The following PCDHGA12 variants were observed in gnomAD, a reference collection of about 807,000 sequenced individuals.
PCDHGA12 encodes protocadherin gamma subfamily A, 12.
PCDHGA12 carries 43 observed loss-of-function variants against 61.1 expected under a neutral mutation model. The observed-to-expected ratio is 0.70, with a 90% CI of 0.55 to 0.91. The LOEUF (loss-of-function observed/expected upper bound fraction) is 0.91, where lower values mean the gene tolerates loss of function less well. Among genes scored for constraint, PCDHGA12 ranks in the 40% least tolerant of loss-of-function variants. The pLI is 0.00. For missense variants in PCDHGA12, 1,236 were observed against 1,227.7 expected, an observed-to-expected ratio of 1.01 and a Z score of -0.10; for synonymous variants, 520 against 542.9, an observed-to-expected ratio of 0.96 and a Z score of 0.59.
chr5:141,497,211 G>T (rs914346878), intron 2 of PCDHGA12, among the ~76,000 whole-genome samples: 12 of 28,538 alleles, frequency 4.2e-4, no homozygotes, highest in African/African-American at 1.1e-3. Context: ...GAGTGTAATG[G>T]GGGGGGGAAG....
Position 141,511,464 on chromosome 5 carries a change from C to G in PCDHGA12, c.*291C>G. 1.9e-6 allele frequency: 1 copy of G among 538,254 alleles called. No individual in the cohort carries two copies. The highest frequency in any genetic ancestry group is 2.1e-5 in the South Asian group (1 of 47,028). The allele number at this position is 538,254 out of a possible 1,614,324, so 33.3% of individuals were successfully genotyped here. On this transcript the variant is annotated 3_prime_UTR_variant, in exon 4 of 4. Transcript: ENST00000252085. ...ACACCAAGAACCATTTGCCACACCC[C>G]GTTTAGTTACAGCTGAACTCCTCCA...
At chr5:141,474,964 CATT>C (rs1489874965) in intron 1 of PCDHGA12, among the ~76,000 whole-genome samples, 1 of 152,216 alleles carries the variant, frequency 6.6e-6, no homozygotes, top group Non-Finnish European at 1.5e-5. Context: ...CTATCCTAAT[CATT>C]ATAATTTTGT....
Position 141,486,904 on chromosome 5 carries a change from C to G in PCDHGA12, c.2425-7903C>G. On this transcript the variant is annotated intron_variant, in intron 1 of 3. Transcript: ENST00000252085. This position sits in a 1 kb window ranked among gnomAD's most constrained non-coding sequence, Gnocchi z 5.0. The stretch of plus-strand genomic sequence containing the variant: ...GGGCCCGGCCTGGTTCCTTATGTCC[C>G]CAAGCACTGCCTCCATCAGTTGGTG... 6.2e-7 allele frequency: 1 copy of G among 1,614,226 alleles called. No individual in the cohort carries two copies. The highest frequency in any genetic ancestry group is 1.1e-5 in the South Asian group (1 of 91,080).
chr5:141,447,942 T>C (rs1476141059), intron 1 of PCDHGA12, among the ~76,000 whole-genome samples: 2 of 151,740 alleles, frequency 1.3e-5, no homozygotes, highest in African/African-American at 4.8e-5. Context: ...AAAAATTAGC[T>C]GGGCATGGTG....
rs530622003 is a variant in PCDHGA12, at chr5:141,437,077, T to G, written c.2424+3894T>G. ...TGATCATTATTTGGTTTGGGCCATA[T>G]AAGAATTGAAACTAACGGCTTAGCT... On this transcript the variant is annotated intron_variant, in intron 1 of 3. Transcript: ENST00000252085. Among the ~76,000 whole-genome samples, 107 of 152,372 alleles carry G rather than the reference T, an allele frequency of 7.0e-4. 1 individual carries two copies. The highest frequency in any genetic ancestry group is 6.4e-3 in the South Asian group (31 of 4,828).
At chr5:141,443,704 C>T (rs894128704) in intron 1 of PCDHGA12, among the ~76,000 whole-genome samples, 6 of 152,102 alleles carry the variant, frequency 3.9e-5, no homozygotes, top group Non-Finnish European at 7.4e-5. Flanking sequence ...TATAGAATAA[C>T]ATTTGCATAT....
At chr5:141,499,438 G>A (rs2154592492) in intron 2 of PCDHGA12, among the ~76,000 whole-genome samples, 1 of 152,158 alleles carries the variant, frequency 6.6e-6, no homozygotes, top group Admixed American at 6.5e-5. Context: ...AAAATTAAAA[G>A]GAAAACCACC....
chr5:141,497,005 A>T (rs1249733879), intron 2 of PCDHGA12, among the ~76,000 whole-genome samples: 1 of 152,134 alleles, frequency 6.6e-6, no homozygotes, highest in Non-Finnish European at 1.5e-5. Context: ...GGCAGCCAAC[A>T]TGGTGAAACC....
intron 1 of PCDHGA12, among the ~76,000 whole-genome samples, chr5:141,480,106 A>C (rs1466691134): frequency 6.6e-6 from 1 of 152,196 alleles, no homozygotes; most frequent in Non-Finnish European, 1.5e-5. Context: ...AGTGTTTAGC[A>C]TGGTGCCTGG....
chr5:141,478,271 A>G, intron 1 of PCDHGA12: 1 of 1,614,170 alleles, frequency 6.2e-7, no homozygotes, highest in Non-Finnish European at 8.5e-7. Flanking sequence ...CAAAGTTTAC[A>G]AGTGGAAGCA....
At chr5:141,459,763 G>A (rs1243169814) in intron 1 of PCDHGA12, among the ~76,000 whole-genome samples, 1 of 152,206 alleles carries the variant, frequency 6.6e-6, no homozygotes, top group South Asian at 2.1e-4. Context: ...GTGGGTGTGT[G>A]ATACTATCTC....
At chr5:141,466,058 C>T (rs970494567) in intron 1 of PCDHGA12, among the ~76,000 whole-genome samples, 2 of 152,046 alleles carry the variant, frequency 1.3e-5, no homozygotes, top group African/African-American at 4.8e-5. Flanking sequence ...GGAGACGGAG[C>T]TTGCAGTGAG....
intron 3 of PCDHGA12, among the ~76,000 whole-genome samples, chr5:141,506,598 G>A (rs1056005258): frequency 6.6e-6 from 1 of 152,130 alleles, no homozygotes; most frequent in Non-Finnish European, 1.5e-5. Context: ...CAGTATTAAC[G>A]GATCTCATTG....
At position 141,509,907 on chromosome 5, in the gene PCDHGA12, C is replaced by G. The variant is rs149338646; in HGVS notation, c.2573-1040C>G. Among the ~76,000 whole-genome samples, 567 of 152,300 alleles carry G rather than the reference C, an allele frequency of 3.7e-3. 5 individuals carry two copies. Among genetic ancestry groups the G allele is most frequent in the Admixed American group, 0.011 (163 of 15,296 alleles). ...GTGACTGACTGTCCCTTCCAGCATGCGCTTAGGTACACTTGGGCCTGAATG... is the reference window on the plus strand; with the variant it reads ...GTGACTGACTGTCCCTTCCAGCATGGGCTTAGGTACACTTGGGCCTGAATG... On this transcript the variant is annotated intron_variant, in intron 3 of 3. Coordinates refer to ENST00000252085, the MANE Select transcript of PCDHGA12 (RefSeq NM_003735.3).
At chr5:141,472,849 G>C (rs966051912) in intron 1 of PCDHGA12, among the ~76,000 whole-genome samples, 1 of 151,340 alleles carries the variant, frequency 6.6e-6, no homozygotes, top group East Asian at 2.0e-4. Flanking sequence ...AGCTGGGCAT[G>C]GTGGCACATG....
Position 141,490,019 on chromosome 5 carries a change from T to C in PCDHGA12, c.2425-4788T>C. 2 of 1,614,272 alleles carry C rather than the reference T, an allele frequency of 1.2e-6. No homozygotes were observed. Among genetic ancestry groups the C allele is most frequent in the East Asian group, 2.2e-5 (1 of 44,886 alleles). ...CCAGAGAATGCACCCATTGGTACTCTGCTGCTCCGCCTCAATGCCACTGAT... is the reference window on the plus strand; with the variant it reads ...CCAGAGAATGCACCCATTGGTACTCCGCTGCTCCGCCTCAATGCCACTGAT... On this transcript the variant is annotated intron_variant, in intron 1 of 3. Coordinates refer to ENST00000252085, the MANE Select transcript of PCDHGA12 (RefSeq NM_003735.3). This position sits in a 1 kb window ranked among gnomAD's most constrained non-coding sequence, Gnocchi z 5.4.
chr5:141,500,175 CA>C (rs762724660), intron 2 of PCDHGA12, among the ~76,000 whole-genome samples: 15 of 147,258 alleles, frequency 1.0e-4, no homozygotes, highest in Non-Finnish European at 1.5e-4. Flanking sequence ...GCATGAGCTT[CA>C]TTTTTATTTT....
intron 1 of PCDHGA12, among the ~76,000 whole-genome samples, chr5:141,457,755 A>G (rs1011599369): frequency 2.0e-5 from 3 of 152,226 alleles, no homozygotes; most frequent in African/African-American, 4.8e-5. Flanking sequence ...GAGCCCAGAC[A>G]TGGGTTTGTA....
chr5:141,451,521 T>A (rs1164313767), intron 1 of PCDHGA12, among the ~76,000 whole-genome samples: 2 of 152,148 alleles, frequency 1.3e-5, no homozygotes, highest in African/African-American at 4.8e-5. Flanking sequence ...TTAGAGCAAG[T>A]AAAGGAGAGT....
Sources: allele counts gnomAD v4.1 joint callset (sites outside exome capture counted in the v4.1 genomes callset), GRCh38; gene constraint gnomAD v4.1.1; non-coding constraint Gnocchi (gnomAD v3.1); transcripts MANE v1.5; gene names NCBI Gene and HGNC (gene_info 2026-07-23, HGNC 2026-07-21).